FAT3: variants seen among roughly 807,000 people sequenced by gnomAD.
The protein encoded by FAT3 is FAT atypical cadherin 3.
In FAT3, 95 loss-of-function variants were observed where a neutral mutation model predicts 310.2. That is an observed-to-expected ratio of 0.31 (90% CI 0.26 to 0.36). FAT3 has a LOEUF of 0.36. Ranked by LOEUF, FAT3 falls within the 10% of genes least tolerant of loss-of-function variation. The pLI is 1.00. For missense variants in FAT3, 5,408 were observed against 5,715.6 expected (o/e 0.95, Z 1.74); for synonymous variants, 2,314 against 2,192.9 (o/e 1.06, Z -1.54).
chr11:92,372,551 G>T (rs1458864707), intron 2 of FAT3, among the ~76,000 whole-genome samples: 1 of 152,086 alleles, frequency 6.6e-6, no homozygotes, highest in South Asian at 2.1e-4. Context: ...TTTCCCAAGG[G>T]TTCTGGTTTA....
chr11:92,887,137 G>A (rs773936854), intron 25 of FAT3, 24 bp downstream of exon 25: 15 of 1,576,312 alleles, frequency 9.5e-6, no homozygotes, highest in Admixed American at 7.3e-5. Context: ...AGATTTGTTC[G>A]GAGCGGGTGG....
At chr11:92,490,047 A>G (rs183663183) in intron 2 of FAT3, among the ~76,000 whole-genome samples, 371 of 152,224 alleles carry the variant, frequency 2.4e-3, no homozygotes, top group African/African-American at 8.4e-3. Flanking sequence ...GAGATTCTGC[A>G]TGCAGTATGG....
At chr11:92,260,448 T>C (rs781658945) in intron 1 of FAT3, among the ~76,000 whole-genome samples, 2 of 152,156 alleles carry the variant, frequency 1.3e-5, no homozygotes, top group Non-Finnish European at 2.9e-5. Context: ...TTGGAACTGA[T>C]GGCTTAATAA....
intron 2 of FAT3, among the ~76,000 whole-genome samples, chr11:92,410,850 T>G (rs1271031411): frequency 6.6e-6 from 1 of 151,688 alleles, no homozygotes; most frequent in African/African-American, 2.4e-5. Context: ...TCTTGGAATA[T>G]AATCTTGGGG....
intron 2 of FAT3, among the ~76,000 whole-genome samples, chr11:92,434,927 G>A (rs1394451647): frequency 6.6e-6 from 1 of 152,120 alleles, no homozygotes; most frequent in Non-Finnish European, 1.5e-5. Flanking sequence ...CAACTCCAAT[G>A]GGAATGGAAC....
chr11:92,291,951 A>G (rs889805957), intron 1 of FAT3, among the ~76,000 whole-genome samples: 2 of 152,114 alleles, frequency 1.3e-5, no homozygotes, highest in African/African-American at 4.8e-5. Context: ...CAAGGAAAAA[A>G]TATCACTTTT....
At chr11:92,433,134 C>T (rs190370951) in intron 2 of FAT3, among the ~76,000 whole-genome samples, 5 of 152,268 alleles carry the variant, frequency 3.3e-5, no homozygotes, top group East Asian at 1.9e-4. Context: ...GTGCTGACAG[C>T]GAGAATTTCA....
At chr11:92,837,562 C>A (rs1244966706) in intron 16 of FAT3, 101 bp from the exon 17 acceptor site, 1 of 1,392,920 alleles carries the variant, frequency 7.2e-7, no homozygotes, top group Non-Finnish European at 9.8e-7. Context: ...AAGATGGTTG[C>A]TCTTTAACAA....
intron 3 of FAT3, among the ~76,000 whole-genome samples, chr11:92,622,386 T>G (rs1269952200): frequency 6.6e-6 from 1 of 152,204 alleles, no homozygotes; most frequent in Non-Finnish European, 1.5e-5. Context: ...ATTTATTGAT[T>G]ATAAACAATA....
chr11:92,743,227 G>T (rs1686423515), intron 4 of FAT3, among the ~76,000 whole-genome samples: 1 of 152,138 alleles, frequency 6.6e-6, no homozygotes, highest in South Asian at 2.1e-4. Context: ...TAGGATCCTG[G>T]CCCCTCTTTT....
chr11:92,354,109 C>G lies in FAT3; in HGVS notation c.1997C>G (p.Ser666Cys), dbSNP rs372914793. 8.1e-6 allele frequency: 13 copies of G among 1,613,638 alleles called. No individual in the cohort carries two copies. Among genetic ancestry groups the G allele is most frequent in the Non-Finnish European group, 1.0e-5 (12 of 1,179,824 alleles). Residue 666 changes from serine (S) to cysteine (C), a missense_variant, in exon 2 of 28, where the codon TCT becomes TGT. This residue lies in a region of FAT3 where 4,588 missense variants were observed against 4,809.8 expected (regional missense o/e 0.95). Transcript: ENST00000525166. ...GGAGAGAATCTTGCAGACCCCATGT[C>G]TATTAACATTTCAGTCCTACATGGG... ...TDGENLADPM[S>C]INISVLHGKV...
At chr11:92,248,268 G>C (rs1232233162) in intron 1 of FAT3, among the ~76,000 whole-genome samples, 1 of 151,954 alleles carries the variant, frequency 6.6e-6, no homozygotes, top group Non-Finnish European at 1.5e-5. Context: ...TCATGTATCA[G>C]TTGCAAAAAT....
intron 3 of FAT3, among the ~76,000 whole-genome samples, chr11:92,646,746 A>C (rs997317817): frequency 6.6e-6 from 1 of 152,170 alleles, no homozygotes; most frequent in Non-Finnish European, 1.5e-5. Context: ...GAGTATTCCC[A>C]AAAAAGGAAC....
intron 3 of FAT3, among the ~76,000 whole-genome samples, chr11:92,574,930 C>A (rs1346158328): frequency 6.6e-6 from 1 of 152,092 alleles, no homozygotes; most frequent in Admixed American, 6.6e-5. Flanking sequence ...CTCATTAACT[C>A]AAGGTTCCAG....
At chr11:92,852,029 C>T (rs1272754345) in intron 19 of FAT3, among the ~76,000 whole-genome samples, 2 of 152,134 alleles carry the variant, frequency 1.3e-5, no homozygotes, top group Non-Finnish European at 2.9e-5. Context: ...AGCTTACTAG[C>T]TTCTATTTAG....
At chr11:92,588,610 TCTG>T (rs1355594546) in intron 3 of FAT3, among the ~76,000 whole-genome samples, 1 of 152,122 alleles carries the variant, frequency 6.6e-6, no homozygotes, top group Non-Finnish European at 1.5e-5. Flanking sequence ...GGGTATTTAT[TCTG>T]CCTTAGATGA....
In FAT3 at chr11:92,805,223, T is replaced by G. The variant is rs746244630; in HGVS notation, c.8967T>G (p.Pro2989=). Reference sequence around the variant, plus strand: ...AGTGGAAGGTCTATGTGAAGAGGCCTCTAGACAGAGAAGAACAGGACATTT... The same window carrying G: ...AGTGGAAGGTCTATGTGAAGAGGCCGCTAGACAGAGAAGAACAGGACATTT... ...QSEWKVYVKR[P]LDREEQDIYF... is the part of the protein sequence containing the mutation. Residue 2989 remains proline (P), a synonymous_variant, in exon 11 of 28, where the codon CCT becomes CCG. Coordinates refer to ENST00000525166, the MANE Select transcript of FAT3 (RefSeq NM_001367949.2). The G allele has an allele frequency of 3.1e-6, 5 of 1,613,918 alleles. No homozygotes were observed. The highest frequency in any genetic ancestry group is 4.2e-6 in the Non-Finnish European group (5 of 1,179,828).
At chr11:92,478,958 T>TTTCTTTCTTTCTTTCTCTCTTTCTTTC (rs762531307) in intron 2 of FAT3, among the ~76,000 whole-genome samples, 1 of 113,658 alleles carries the variant, frequency 8.8e-6, no homozygotes, top group Non-Finnish European at 1.8e-5. Flanking sequence ...CTTTCTTTTC[T>TTTCTTTCTTTCTTTCTCTCTTTCTTTC]TTTCTTTTCT....
chr11:92,826,230 C>G (rs140877888), intron 13 of FAT3, among the ~76,000 whole-genome samples: 1 of 152,296 alleles, frequency 6.6e-6, no homozygotes, highest in African/African-American at 2.4e-5. Context: ...CAAAGGAATG[C>G]AGTGACATAG....
Sources: allele counts gnomAD v4.1 joint callset (sites outside exome capture counted in the v4.1 genomes callset), GRCh38; gene constraint gnomAD v4.1.1; regional missense constraint gnomAD v4.1.1; transcripts MANE v1.5; gene names NCBI Gene and HGNC (gene_info 2026-07-23, HGNC 2026-07-21).